Variants in RAB14 observed in about 807,000 individuals in gnomAD.
The protein encoded by RAB14 is RAB14, member RAS oncogene family.
RAB14 carries 3 observed loss-of-function variants against 31.1 expected under a neutral mutation model. The ratio of observed to expected loss-of-function variants is 0.10; its 90% CI spans 0.04 to 0.25. The LOEUF (loss-of-function observed/expected upper bound fraction) is 0.25. Ranked by LOEUF, RAB14 falls within the 10% of genes least tolerant of loss-of-function variation. RAB14 has a pLI of 1.00. For missense variants in RAB14, 111 were observed against 260.1 expected, an observed-to-expected ratio of 0.43 and a Z score of 3.94; for synonymous variants, 85 against 84.9, an observed-to-expected ratio of 1.00 and a Z score of 0.00.
intron 1 of RAB14, among the ~76,000 whole-genome samples, chr9:121,197,126 G>GAA (rs2053721856): frequency 6.6e-6 from 1 of 152,154 alleles, no homozygotes; most frequent in Admixed American, 6.5e-5. Context: ...AAAAATCAGA[G>GAA]AAAGAGGAAG....
At chr9:121,193,827 G>GT (rs2053699375) in intron 1 of RAB14, among the ~76,000 whole-genome samples, 1 of 152,062 alleles carries the variant, frequency 6.6e-6, no homozygotes, top group South Asian at 2.1e-4. Context: ...AACTGATCAA[G>GT]TAAGTTACTA....
intron 5 of RAB14, among the ~76,000 whole-genome samples, chr9:121,185,083 CACTTAAGAAAA>C (rs1381713028): frequency 6.6e-6 from 1 of 152,124 alleles, no homozygotes; most frequent in African/African-American, 2.4e-5. Context: ...GAAAATGGAG[CACTTAAGAAAA>C]ACTCAAGAAA....
chr9:121,192,285 G>T, intron 2 of RAB14, 61 bp from the exon 3 acceptor site: 3 of 1,266,432 alleles, frequency 2.4e-6, no homozygotes. Flanking sequence ...TGCAATGATC[G>T]CTATATTCCT....
chr9:121,186,135 C>T (rs10760154), intron 5 of RAB14, among the ~76,000 whole-genome samples: 57,956 of 151,904 alleles, frequency 0.38, 12,559 homozygotes, highest in South Asian at 0.65. Flanking sequence ...TGTGTCTTTC[C>T]TCACATTGTT....
intron 7 of RAB14, among the ~76,000 whole-genome samples, chr9:121,182,201 A>T (rs145768285): frequency 9.1e-4 from 138 of 152,302 alleles, no homozygotes; most frequent in African/African-American, 3.2e-3. Flanking sequence ...TTCTGTGATA[A>T]CAGAGAGGAT....
intron 4 of RAB14, 58 bp downstream of exon 4, chr9:121,190,496 T>G (rs2053680798): frequency 6.9e-7 from 1 of 1,451,898 alleles, no homozygotes; most frequent in Non-Finnish European, 9.2e-7. Context: ...CAATTTTTTT[T>G]TAAATGCCCA....
chr9:121,196,505 T>G (rs1408074047), intron 1 of RAB14, among the ~76,000 whole-genome samples: 1 of 152,184 alleles, frequency 6.6e-6, no homozygotes, highest in African/African-American at 2.4e-5. Flanking sequence ...AGTTAATTAT[T>G]ATCCTCATTT....
At chr9:121,189,763 C>G (rs767834967) in intron 4 of RAB14, among the ~76,000 whole-genome samples, 2 of 152,066 alleles carry the variant, frequency 1.3e-5, no homozygotes, top group Non-Finnish European at 2.9e-5. Flanking sequence ...ATGCTTTAAA[C>G]TCTAATTATC....
In RAB14 at chr9:121,190,743, GA is replaced by G; in HGVS notation, c.107-13del. ...ACAATCAGCCATAACTGTTAAGGAG[GA>G]AAAAAAGTAATAGCCCAATTTTCAG... On this transcript the variant is annotated splice_polypyrimidine_tract_variant and intron_variant, in intron 3 of 7. Transcript: ENST00000373840. The G allele has an allele frequency of 1.2e-6, 2 of 1,604,958 alleles. No individual in the cohort carries two copies. Among genetic ancestry groups the G allele is most frequent in the Admixed American group, 1.7e-5 (1 of 58,080 alleles).
rs899610277 is a variant in RAB14, at chr9:121,180,768, A to G, written c.*628T>C. The G allele has an allele frequency of 2.0e-5, 3 of 152,650 alleles. No homozygotes were observed. The highest frequency in any genetic ancestry group is 2.9e-5 in the Non-Finnish European group (2 of 68,032). The allele number at this position is 152,650 out of a possible 1,614,324, so 9.5% of individuals were successfully genotyped here. A position where few individuals can be genotyped will look rare whatever the true frequency, so the allele number is the denominator to read the frequency against. Reference sequence around the variant, plus strand: ...CATATTTACTTTCTGTTAAAGAGAAAAGGATAAAATGGTATAAAAAAAGAT... The same window carrying G: ...CATATTTACTTTCTGTTAAAGAGAAGAGGATAAAATGGTATAAAAAAAGAT... On this transcript the variant is annotated 3_prime_UTR_variant, in exon 8 of 8. Transcript: ENST00000373840.
chr9:121,200,693 T>C (rs1237954841), intron 1 of RAB14, among the ~76,000 whole-genome samples: 1 of 152,194 alleles, frequency 6.6e-6, no homozygotes, highest in East Asian at 1.9e-4. Context: ...GCCTAATTTT[T>C]GAATGTAGTA....
chr9:121,195,285 C>A (rs1299113603), intron 1 of RAB14, among the ~76,000 whole-genome samples: 1 of 152,050 alleles, frequency 6.6e-6, no homozygotes, highest in Non-Finnish European at 1.5e-5. Context: ...AATTCTTTCC[C>A]CATTCAAACC....
At chr9:121,187,908 C>G (rs745544590) in intron 4 of RAB14, among the ~76,000 whole-genome samples, 1 of 151,996 alleles carries the variant, frequency 6.6e-6, no homozygotes, top group Non-Finnish European at 1.5e-5. Context: ...TAACTGGTGT[C>G]AAAATCAGGC....
chr9:121,197,460 T>C (rs147355277), intron 1 of RAB14, among the ~76,000 whole-genome samples: 74 of 152,180 alleles, frequency 4.9e-4, no homozygotes, highest in African/African-American at 1.7e-3. Context: ...ATATTTCTTT[T>C]ACTCAACAAA....
At chr9:121,181,609 A>C in intron 7 of RAB14, 36 bp from the exon 8 acceptor site, 1 of 1,524,314 alleles carries the variant, frequency 6.6e-7, no homozygotes, top group Non-Finnish European at 9.0e-7. Context: ...GGAGAACCAC[A>C]GTTTTCTACA....
chr9:121,191,452 G>T (rs1365242918), intron 3 of RAB14, among the ~76,000 whole-genome samples: 1 of 152,020 alleles, frequency 6.6e-6, no homozygotes, highest in South Asian at 2.1e-4. Context: ...AGCCTCCCAC[G>T]TAAGTCTCCC....
chr9:121,181,602 G>A, intron 7 of RAB14, 29 bp from the exon 8 acceptor site: 1 of 1,561,430 alleles, frequency 6.4e-7, no homozygotes, highest in Non-Finnish European at 8.8e-7. Flanking sequence ...CTTTATTGGA[G>A]AACCACAGTT....
In RAB14 at chr9:121,179,185, T is replaced by G. The variant is rs1159415941; in HGVS notation, c.*2211A>C. 1 of 152,298 alleles carries G rather than the reference T, an allele frequency of 6.6e-6. No homozygotes were observed. The highest frequency in any genetic ancestry group is 1.5e-5 in the Non-Finnish European group (1 of 68,038). The allele number at this position is 152,298 out of a possible 1,614,324, so 9.4% of individuals were successfully genotyped here. A position where few individuals can be genotyped will look rare whatever the true frequency, so the allele number is the denominator to read the frequency against. ...TTTATATGCTACATACGTAGACCTC[T>G]CTTTATACAATGAATATGGACAGTG... On this transcript the variant is annotated 3_prime_UTR_variant, in exon 8 of 8. Coordinates refer to ENST00000373840, the MANE Select transcript of RAB14 (RefSeq NM_016322.4).
intron 1 of RAB14, among the ~76,000 whole-genome samples, chr9:121,196,387 G>C (rs926684279): frequency 1.3e-5 from 2 of 152,092 alleles, no homozygotes; most frequent in Non-Finnish European, 2.9e-5. Flanking sequence ...AAACTAATAA[G>C]AAATACAATT....
Sources: allele counts gnomAD v4.1 joint callset (sites outside exome capture counted in the v4.1 genomes callset), GRCh38; gene constraint gnomAD v4.1.1; transcripts MANE v1.5; gene names NCBI Gene and HGNC (gene_info 2026-07-23, HGNC 2026-07-21).